The following ZNF274 variants were observed in gnomAD, a reference collection of about 807,000 sequenced individuals.
ZNF274 encodes the protein zinc finger protein 274.
In ZNF274, 23 loss-of-function variants were observed where a neutral mutation model predicts 42.5. That is an observed-to-expected ratio of 0.54 (90% CI 0.39 to 0.77). The LOEUF is 0.77. Among genes scored for constraint, ZNF274 ranks in the 30% least tolerant of loss-of-function variants. The pLI is 0.00. For missense variants in ZNF274, 679 were observed against 806.5 expected (o/e 0.84, Z 1.91); for synonymous variants, 292 against 305.4 (o/e 0.96, Z 0.46).
intron 3 of ZNF274, among the ~76,000 whole-genome samples, chr19:58,186,554 C>T (rs1039827293): frequency 1.0e-4 from 9 of 86,866 alleles, no homozygotes; most frequent in African/African-American, 4.5e-4. Context: ...AAAAAAAAAG[C>T]CTGTCCCTTC....
intron 4 of ZNF274, among the ~76,000 whole-genome samples, chr19:58,187,309 C>T (rs565587085): frequency 2.2e-4 from 34 of 152,178 alleles, no homozygotes; most frequent in Admixed American, 3.9e-4. Context: ...TACTGCCCTC[C>T]CCTCATAATC....
chr19:58,199,577 C>G (rs537407030), intron 4 of ZNF274, among the ~76,000 whole-genome samples: 1 of 152,196 alleles, frequency 6.6e-6, no homozygotes, highest in Admixed American at 6.5e-5. Context: ...AAAAACTTAG[C>G]CGGGCGTGGT....
At chr19:58,210,382 A>G (rs2076026367) in intron 6 of ZNF274, 1 of 247,896 alleles carries the variant, frequency 4.0e-6, no homozygotes. Flanking sequence ...GCACATCTGT[A>G]TCCAGGTCAG....
At chr19:58,204,352 G>T (rs2075955240) in intron 4 of ZNF274, among the ~76,000 whole-genome samples, 1 of 152,150 alleles carries the variant, frequency 6.6e-6, no homozygotes, top group Non-Finnish European at 1.5e-5. Flanking sequence ...GTCCAGGGGG[G>T]GCAGGGTTCG....
chr19:58,194,371 CTTTT>C (rs766266627), intron 4 of ZNF274, among the ~76,000 whole-genome samples: 2 of 64,176 alleles, frequency 3.1e-5, no homozygotes, highest in South Asian at 6.3e-4. Context: ...TGTTTTTTAC[CTTTT>C]TTTTTTTTTT....
At chr19:58,201,090 G>A (rs967230805) in intron 4 of ZNF274, among the ~76,000 whole-genome samples, 9 of 151,508 alleles carry the variant, frequency 5.9e-5, no homozygotes, top group Middle Eastern at 3.4e-3. Flanking sequence ...CTGCAGCCTC[G>A]ACTTCCTGAG....
At position 58,208,499 on chromosome 19, in the gene ZNF274, G is replaced by A. The variant is rs2076003843; in HGVS notation, c.739+1297G>A. The A allele has an allele frequency of 6.6e-6, 1 of 152,252 alleles. No individual in the cohort carries two copies. Among genetic ancestry groups the A allele is most frequent in the African/African-American group, 2.4e-5 (1 of 41,444 alleles). 9.4% of individuals were successfully genotyped at this position (152,252 alleles called of 1,614,324 possible). ...GGGAGAGATGCACTGGATTATTTGA[G>A]TGGATCTAACATAACCACAGGGGCC... is the stretch of plus-strand genomic sequence containing the variant. On this transcript the variant is annotated intron_variant, in intron 5 of 7. Coordinates refer to ENST00000617501, the MANE Select transcript of ZNF274 (RefSeq NM_133502.3). The surrounding 1 kb of genome is among the most constrained non-coding windows in gnomAD (Gnocchi z 4.5).
intron 2 of ZNF274, 22 bp from the exon 3 acceptor site, chr19:58,185,690 G>A: frequency 1.4e-6 from 2 of 1,428,082 alleles, no homozygotes; most frequent in South Asian, 1.6e-5. Context: ...GCCTGTGGCT[G>A]AACAAGAATC....
intron 4 of ZNF274, among the ~76,000 whole-genome samples, chr19:58,197,092 G>C (rs894036978): frequency 6.6e-6 from 1 of 152,190 alleles, no homozygotes; most frequent in Admixed American, 6.5e-5. Context: ...TTTATGCATA[G>C]CTCCCTTATT....
intron 4 of ZNF274, among the ~76,000 whole-genome samples, chr19:58,204,013 G>A (rs2075949608): frequency 6.6e-6 from 1 of 152,224 alleles, no homozygotes; most frequent in Admixed American, 6.5e-5. Context: ...CCGTGCCAGC[G>A]GTGGGCACCT....
intron 4 of ZNF274, among the ~76,000 whole-genome samples, chr19:58,189,368 C>G (rs148028529): frequency 6.6e-6 from 1 of 152,182 alleles, no homozygotes; most frequent in African/African-American, 2.4e-5. Flanking sequence ...AAGCAGTCCT[C>G]CTGACTCAGA....
Position 58,212,348 on chromosome 19 carries a change from T to C in ZNF274, c.1167T>C (p.Ala389=), listed in dbSNP as rs747315753. Residue 389 remains alanine, a synonymous_variant, in exon 8 of 8, where the codon GCT becomes GCC. Transcript: ENST00000617501. The surrounding 1 kb of genome is among the most constrained non-coding windows in gnomAD (Gnocchi z 4.6). ...QDTVLKQMES[A]QEKDLPQKKH... is the part of the protein sequence containing the mutation. Reference sequence around the variant, plus strand: ...CAGTGTTGAAGCAGATGGAGTCTGCTCAGGAAAAAGACCTTCCTCAGAAGA... The same window carrying C: ...CAGTGTTGAAGCAGATGGAGTCTGCCCAGGAAAAAGACCTTCCTCAGAAGA... 3.7e-6 allele frequency: 6 copies of C among 1,613,968 alleles called. No homozygotes were observed. The highest frequency in any genetic ancestry group is 5.1e-6 in the Non-Finnish European group (6 of 1,179,892).
At position 58,213,205 on chromosome 19, in the gene ZNF274, G is replaced by C; in HGVS notation, c.*62G>C. ...TTGACCCTGCAATATAACATGCACA[G>C]GCCTGCTTGTGAATCAGGACTGAAT... On this transcript the variant is annotated 3_prime_UTR_variant, in exon 8 of 8. Coordinates refer to ENST00000617501, the MANE Select transcript of ZNF274 (RefSeq NM_133502.3). The C allele has an allele frequency of 6.5e-7, 1 of 1,529,636 alleles. No individual in the cohort carries two copies. Among genetic ancestry groups the C allele is most frequent in the Non-Finnish European group, 8.8e-7 (1 of 1,141,856 alleles). 94.8% of individuals were successfully genotyped at this position (1,529,636 alleles called of 1,614,324 possible).
At position 58,205,333 on chromosome 19, in the gene ZNF274, T is replaced by G. The variant is rs544555134; in HGVS notation, c.257-1387T>G. 2.6e-5 allele frequency among the ~76,000 whole-genome samples: 4 copies of G among 152,320 alleles called. No homozygotes were observed. In the East Asian group the frequency reaches 7.7e-4, roughly 29 times the overall value. On this transcript the variant is annotated intron_variant, in intron 4 of 7. Transcript: ENST00000617501. Reference sequence around the variant, plus strand: ...TCATAATCTGTAGTTATTTATACTTTTATATTTGTTTTTAAGGCCTTATTT... The same window carrying G: ...TCATAATCTGTAGTTATTTATACTTGTATATTTGTTTTTAAGGCCTTATTT...
chr19:58,185,761 G>T lies in ZNF274; in HGVS notation c.83G>T (p.Trp28Leu). 1 of 1,461,670 alleles carries T rather than the reference G, an allele frequency of 6.8e-7. No individual in the cohort carries two copies. Among genetic ancestry groups the T allele is most frequent in the Non-Finnish European group, 9.1e-7 (1 of 1,100,116 alleles). 90.5% of individuals were successfully genotyped at this position (1,461,670 alleles called of 1,614,324 possible). Residue 28 changes from tryptophan to leucine, a missense_variant, in exon 3 of 8, where the codon TGG becomes TTG. Coordinates refer to ENST00000617501, the MANE Select transcript of ZNF274 (RefSeq NM_133502.3). Reference sequence around the variant, plus strand: ...ACACTGGGTTTTACCCCGGAAGAGTGGGGACTGCTGGACCTCAAACAGAAG... The same window carrying T: ...ACACTGGGTTTTACCCCGGAAGAGTTGGGACTGCTGGACCTCAAACAGAAG... ...DVTLGFTPEE[W>L]GLLDLKQKSL...
In ZNF274 at chr19:58,212,140, T is replaced by C. The variant is rs1395054864; in HGVS notation, c.980-21T>C. ...AGCACATCTCTCTATGGGATCCACA[T>C]CTTTTGTTTATTTTTTTCAGGGTGG... is the stretch of plus-strand genomic sequence containing the variant. On this transcript the variant is annotated intron_variant, in intron 7 of 7. Transcript: ENST00000617501. This position sits in a 1 kb window ranked among gnomAD's most constrained non-coding sequence, Gnocchi z 4.6. The C allele has an allele frequency of 1.3e-6, 2 of 1,582,832 alleles. No homozygotes were observed. Among genetic ancestry groups the C allele is most frequent in the Non-Finnish European group, 1.7e-6 (2 of 1,171,208 alleles).
At chr19:58,195,292 T>C (rs1012851846) in intron 4 of ZNF274, among the ~76,000 whole-genome samples, 10 of 152,140 alleles carry the variant, frequency 6.6e-5, no homozygotes, top group Non-Finnish European at 1.5e-5. Flanking sequence ...TTCACATTGA[T>C]TGAAGTTTTT....
At position 58,212,789 on chromosome 19, in the gene ZNF274, G is replaced by A. The variant is rs758361652; in HGVS notation, c.1608G>A (p.Val536=). The change falls in exon 8 of 8, where the codon GTG becomes GTA. Residue 536 remains valine, a synonymous_variant. Coordinates refer to ENST00000617501, the MANE Select transcript of ZNF274 (RefSeq NM_133502.3). The surrounding 1 kb of genome is among the most constrained non-coding windows in gnomAD (Gnocchi z 4.6). The part of the protein sequence containing the change: ...KKIHTGERPY[V]CQDCGKGFVQ... ...TCCATACCGGAGAGAGGCCCTATGT[G>A]TGTCAAGACTGTGGGAAAGGATTTG... 1.4e-5 allele frequency: 22 copies of A among 1,613,896 alleles called. No homozygotes were observed. The highest frequency in any genetic ancestry group is 1.8e-5 in the Non-Finnish European group (21 of 1,179,914).
At chr19:58,188,974 A>C (rs1336009416) in intron 4 of ZNF274, among the ~76,000 whole-genome samples, 1 of 151,842 alleles carries the variant, frequency 6.6e-6, no homozygotes, top group Admixed American at 6.6e-5. Flanking sequence ...AGCAATTTGT[A>C]ATGGTCTTTT....
Sources: gnomAD v4.1 joint callset for allele counts (sites outside exome capture counted in the v4.1 genomes callset) on GRCh38, gnomAD v4.1.1 for gene constraint, Gnocchi (gnomAD v3.1) non-coding constraint, MANE v1.5 for transcripts, NCBI Gene and HGNC (gene_info 2026-07-23, HGNC 2026-07-21) for gene names.